Variants in MCTP2 observed in about 807,000 individuals in gnomAD.
MCTP2 encodes multiple C2 and transmembrane domain containing 2, also known as multiple C2 and transmembrane domain-containing protein 2.
MCTP2 carries 132 observed loss-of-function variants against 111.6 expected under a neutral mutation model. The ratio of observed to expected loss-of-function variants is 1.18; its 90% confidence interval spans 1.03 to 1.37. The LOEUF is 1.37. MCTP2 is among the 40% of genes most tolerant of loss of function. The pLI is 0.00. For missense variants in MCTP2, 1,183 were observed against 1,067.9 expected (o/e 1.11, Z -1.50); for synonymous variants, 395 against 387.7 (o/e 1.02, Z -0.22).
intron 1 of MCTP2, among the ~76,000 whole-genome samples, chr15:94,259,579 T>A (rs1225786885): frequency 6.6e-6 from 1 of 152,214 alleles, no homozygotes; most frequent in African/African-American, 2.4e-5. Flanking sequence ...AATTGTGATA[T>A]GTTTGATGAT....
intron 1 of MCTP2, among the ~76,000 whole-genome samples, chr15:94,276,367 C>G (rs954065524): frequency 4.6e-5 from 7 of 151,944 alleles, no homozygotes; most frequent in African/African-American, 1.7e-4. Context: ...TGTAAAAAAC[C>G]TAAATGAGTT....
At chr15:94,339,460 T>G (rs780821435) in intron 5 of MCTP2, 28 bp downstream of exon 5, 1 of 1,543,006 alleles carries the variant, frequency 6.5e-7, no homozygotes, top group African/African-American at 1.4e-5. Context: ...TCAAATCTGC[T>G]CCTTTATTAA....
At position 94,480,579 on chromosome 15, in the gene MCTP2, G is replaced by T. The variant is rs954148197; in HGVS notation, c.*1545G>T. 6.6e-6 allele frequency: 1 copy of T among 152,138 alleles called. No homozygotes were observed. Among genetic ancestry groups the T allele is most frequent in the African/African-American group, 2.4e-5 (1 of 41,426 alleles). 9.4% of individuals were successfully genotyped at this position (152,138 alleles called of 1,614,324 possible). On this transcript the variant is annotated 3_prime_UTR_variant, in exon 23 of 23. Transcript: ENST00000357742. Reference sequence around the variant, plus strand: ...AGTTGTACATACAATAGATACCCAAGAACCTCTTTTGTTAAACCAGTTACT... The same window carrying T: ...AGTTGTACATACAATAGATACCCAATAACCTCTTTTGTTAAACCAGTTACT...
Position 94,298,308 on chromosome 15 carries a change from C to A in MCTP2, c.43C>A (p.Arg15=), listed in dbSNP as rs138329762. 2 of 1,613,792 alleles carry A rather than the reference C, an allele frequency of 1.2e-6. No homozygotes were observed. The highest frequency in any genetic ancestry group is 8.5e-7 in the Non-Finnish European group (1 of 1,179,830). ...ATCTGTTTGGGGCTCATTAAAACAG[C>A]GGACCAGGCCATTGTTGATCAACTT... The part of the protein sequence containing the change: ...KPSVWGSLKQ[R]TRPLLINLSK... The change falls in exon 2 of 23, where the codon CGG becomes AGG. Residue 15 remains arginine (R), a synonymous_variant. Coordinates refer to ENST00000357742, the MANE Select transcript of MCTP2 (RefSeq NM_001385001.1).
intron 1 of MCTP2, among the ~76,000 whole-genome samples, chr15:94,244,950 C>CAA (rs1372872290): frequency 1.0e-4 from 13 of 125,426 alleles, no homozygotes; most frequent in African/African-American, 3.6e-4. Context: ...ACATATGCAC[C>CAA]TGTTTATATA....
intron 12 of MCTP2, among the ~76,000 whole-genome samples, chr15:94,374,763 C>T (rs79325188): frequency 0.13 from 20,393 of 152,116 alleles, 1,541 homozygotes; most frequent in Middle Eastern, 0.19. Flanking sequence ...CCCTTACCCA[C>T]TCAGAATCCT....
rs1244243330 is a variant in MCTP2, at chr15:94,483,405, C to T, written c.*4371C>T. 2 of 152,178 alleles carry T rather than the reference C, an allele frequency of 1.3e-5. No homozygotes were observed. Among genetic ancestry groups the T allele is most frequent in the African/African-American group, 2.4e-5 (1 of 41,432 alleles). The allele number at this position is 152,178 out of a possible 1,614,324, so 9.4% of individuals were successfully genotyped here. The stretch of plus-strand genomic sequence containing the variant: ...TCTACTATAAAAACACATGCACACA[C>T]ATGTTCACTGCAACACTATTTACAA... On this transcript the variant is annotated 3_prime_UTR_variant, in exon 23 of 23. Coordinates refer to ENST00000357742, the MANE Select transcript of MCTP2 (RefSeq NM_001385001.1).
At chr15:94,367,345 T>A (rs2079242597) in intron 10 of MCTP2, among the ~76,000 whole-genome samples, 1 of 152,206 alleles carries the variant, frequency 6.6e-6, no homozygotes, top group Non-Finnish European at 1.5e-5. Flanking sequence ...TTGGCAAGGA[T>A]CCACTCCTCT....
intron 1 of MCTP2, among the ~76,000 whole-genome samples, chr15:94,246,055 A>G (rs1295580591): frequency 1.3e-5 from 2 of 152,070 alleles, no homozygotes; most frequent in African/African-American, 4.8e-5. Flanking sequence ...TGAGTCTGGA[A>G]GAATGGGAGG....
chr15:94,402,836 A>G (rs2081669366), intron 17 of MCTP2: 1 of 1,304,052 alleles, frequency 7.7e-7, no homozygotes, highest in African/African-American at 1.5e-5. Flanking sequence ...ATAAAAACTA[A>G]TACGAGGTAT....
At chr15:94,242,638 C>G (rs1049838284) in intron 1 of MCTP2, among the ~76,000 whole-genome samples, 17 of 151,906 alleles carry the variant, frequency 1.1e-4, no homozygotes, top group African/African-American at 3.9e-4. Context: ...TCTATTTACC[C>G]AACTTGAGGC....
chr15:94,305,063 G>A (rs926249034), intron 2 of MCTP2, among the ~76,000 whole-genome samples: 2 of 152,050 alleles, frequency 1.3e-5, no homozygotes, highest in Admixed American at 6.6e-5. Context: ...GGATTGAATT[G>A]TGTCCCCCAG....
chr15:94,405,427 C>A (rs2081852082), intron 17 of MCTP2, among the ~76,000 whole-genome samples: 1 of 152,138 alleles, frequency 6.6e-6, no homozygotes, highest in South Asian at 2.1e-4. Flanking sequence ...ATAATCGTAT[C>A]TTGTTGAAAG....
At chr15:94,290,823 A>G (rs2074996772) in intron 1 of MCTP2, among the ~76,000 whole-genome samples, 1 of 152,270 alleles carries the variant, frequency 6.6e-6, no homozygotes, top group Non-Finnish European at 1.5e-5. Context: ...CAGACATTAC[A>G]TATTGATTGA....
chr15:94,261,376 G>T (rs565037352), intron 1 of MCTP2, among the ~76,000 whole-genome samples: 1 of 152,318 alleles, frequency 6.6e-6, no homozygotes, highest in Admixed American at 6.5e-5. Context: ...TGGTAAAACA[G>T]TTGGAGTGGA....
intron 1 of MCTP2, among the ~76,000 whole-genome samples, chr15:94,256,424 C>A (rs890023727): frequency 6.6e-6 from 1 of 152,122 alleles, no homozygotes; most frequent in South Asian, 2.1e-4. Flanking sequence ...CACCCTCCTC[C>A]CCATGTCTGT....
intron 17 of MCTP2, among the ~76,000 whole-genome samples, chr15:94,405,020 G>A (rs1420518058): frequency 6.6e-6 from 1 of 152,228 alleles, no homozygotes; most frequent in Non-Finnish European, 1.5e-5. Context: ...CAGAACAGAG[G>A]CGCTGTCTGA....
Position 94,265,536 on chromosome 15 carries a change from C to A in MCTP2, c.-65-32665C>A, listed in dbSNP as rs372576946. On this transcript the variant is annotated intron_variant, in intron 1 of 22. Coordinates refer to ENST00000357742, the MANE Select transcript of MCTP2 (RefSeq NM_001385001.1). Reference sequence around the variant, plus strand: ...TAGTTCAGAGTTTATATAAGATATACACTACTGTTTGCATTGAGATATTAA... The same window carrying A: ...TAGTTCAGAGTTTATATAAGATATAAACTACTGTTTGCATTGAGATATTAA... Among the ~76,000 whole-genome samples, 9 of 152,248 alleles carry A rather than the reference C, an allele frequency of 5.9e-5. No homozygotes were observed. The East Asian group carries it at 7.7e-4, about 13-fold the overall frequency.
At chr15:94,264,961 AT>A (rs35546226) in intron 1 of MCTP2, among the ~76,000 whole-genome samples, 5 of 150,824 alleles carry the variant, frequency 3.3e-5, no homozygotes, top group South Asian at 4.2e-4. Flanking sequence ...TAAATAAAGG[AT>A]TTTTTTTTTC....
Sources: gnomAD v4.1 joint callset for allele counts (sites outside exome capture counted in the v4.1 genomes callset) on GRCh38, gnomAD v4.1.1 for gene constraint, MANE v1.5 for transcripts, NCBI Gene and HGNC (gene_info 2026-07-23, HGNC 2026-07-21) for gene names.